Variants in IPCEF1 observed in about 807,000 individuals in gnomAD.
IPCEF1 encodes the protein interaction protein for cytohesin exchange factors 1.
In IPCEF1, 31 loss-of-function variants were observed where a neutral mutation model predicts 50.9. The ratio of observed to expected loss-of-function variants is 0.61; its 90% CI spans 0.46 to 0.82. The LOEUF (loss-of-function observed/expected upper bound fraction) is 0.82. Ranked by LOEUF, IPCEF1 falls within the 40% of genes least tolerant of loss-of-function variation. The pLI, the probability that IPCEF1 is intolerant of heterozygous loss-of-function variation, is 0.00. For missense variants in IPCEF1, 458 were observed against 514.0 expected (o/e 0.89, Z 1.05); for synonymous variants, 181 against 192.0 (o/e 0.94, Z 0.47).
At chr6:154,257,529 G>T (rs1192220202) in intron 3 of IPCEF1, among the ~76,000 whole-genome samples, 4 of 152,178 alleles carry the variant, frequency 2.6e-5, no homozygotes. Context: ...TATGTTGGAA[G>T]ATGAATGGAA....
chr6:154,310,625 C>G (rs1783054608), intron 1 of IPCEF1, among the ~76,000 whole-genome samples: 1 of 151,946 alleles, frequency 6.6e-6, no homozygotes, highest in Non-Finnish European at 1.5e-5. Flanking sequence ...AGTTAAGATA[C>G]AGAATCAAAA....
At chr6:154,235,531 C>CAAAAAA (rs34877577) in intron 5 of IPCEF1, among the ~76,000 whole-genome samples, 1 of 97,502 alleles carries the variant, frequency 1.0e-5, no homozygotes, top group African/African-American at 3.7e-5. Context: ...AACTCTGTCA[C>CAAAAAA]AAAAAAAAAA....
At chr6:154,219,129 G>A (rs1235952548) in intron 7 of IPCEF1, 1 of 152,236 alleles carries the variant, frequency 6.6e-6, no homozygotes, top group African/African-American at 2.4e-5. Context: ...GGGCGGTGAG[G>A]AGGGGGATCT....
intron 10 of IPCEF1, among the ~76,000 whole-genome samples, chr6:154,197,054 CTCT>C (rs1056770114): frequency 6.6e-6 from 1 of 152,090 alleles, no homozygotes; most frequent in African/African-American, 2.4e-5. Flanking sequence ...GGATGAAAGC[CTCT>C]TCTTCCAGCA....
chr6:154,331,401 A>G (rs572285490), intron 1 of IPCEF1, among the ~76,000 whole-genome samples: 3 of 127,896 alleles, frequency 2.3e-5, no homozygotes, highest in South Asian at 5.4e-4. Context: ...GAAAGAAAGA[A>G]AGAAAGAGAG....
At chr6:154,182,062 A>T (rs905758469) in intron 10 of IPCEF1, among the ~76,000 whole-genome samples, 1 of 152,156 alleles carries the variant, frequency 6.6e-6, no homozygotes, top group Non-Finnish European at 1.5e-5. Flanking sequence ...TTAAATTAAA[A>T]TTTTTAAAAA....
chr6:154,315,038 G>A (rs942708323), intron 1 of IPCEF1, among the ~76,000 whole-genome samples: 1 of 151,986 alleles, frequency 6.6e-6, no homozygotes. Flanking sequence ...GTGCTACCAC[G>A]ACCAGCTAAC....
chr6:154,276,697 C>G (rs1025256306), intron 2 of IPCEF1, among the ~76,000 whole-genome samples: 1 of 152,224 alleles, frequency 6.6e-6, no homozygotes, highest in Admixed American at 6.5e-5. Context: ...TCAGAATAAT[C>G]TTTGCCTTTT....
intron 1 of IPCEF1, among the ~76,000 whole-genome samples, chr6:154,340,170 A>G (rs1783879073): frequency 6.6e-6 from 1 of 152,174 alleles, no homozygotes; most frequent in African/African-American, 2.4e-5. Flanking sequence ...CCCGTGACAC[A>G]GCCTTAGGAA....
intron 5 of IPCEF1, among the ~76,000 whole-genome samples, chr6:154,244,645 A>T (rs567703143): frequency 6.6e-6 from 1 of 152,298 alleles, no homozygotes; most frequent in South Asian, 2.1e-4. Flanking sequence ...TGCCTAAAAT[A>T]GGTAACTCAT....
chr6:154,280,856 A>G (rs1210010056), intron 2 of IPCEF1, among the ~76,000 whole-genome samples: 1 of 152,096 alleles, frequency 6.6e-6, no homozygotes, highest in Admixed American at 6.5e-5. Context: ...CATTTTTTTC[A>G]TGTTTTCCAC....
intron 3 of IPCEF1, among the ~76,000 whole-genome samples, chr6:154,255,814 G>A (rs1781446992): frequency 6.6e-6 from 1 of 152,064 alleles, no homozygotes; most frequent in Admixed American, 6.5e-5. Context: ...GCCATCTATT[G>A]AGCTATTGCA....
At chr6:154,343,013 G>C (rs989480420) in intron 1 of IPCEF1, among the ~76,000 whole-genome samples, 11 of 152,160 alleles carry the variant, frequency 7.2e-5, no homozygotes, top group Non-Finnish European at 1.2e-4. Flanking sequence ...CTACTCAGGA[G>C]GCTGAGGCAG....
intron 2 of IPCEF1, among the ~76,000 whole-genome samples, chr6:154,272,142 A>T (rs190409398): frequency 3.9e-5 from 6 of 152,362 alleles, no homozygotes; most frequent in Admixed American, 2.0e-4. Flanking sequence ...TAACCAACTC[A>T]TAAGGTGTTT....
At position 154,304,414 on chromosome 6, in the gene IPCEF1, G is replaced by A. The variant is rs992367138; in HGVS notation, c.-61-14658C>T. Among the ~76,000 whole-genome samples the A allele has an allele frequency of 7.9e-5, 12 of 152,218 alleles. 3 individuals carry two copies. Among genetic ancestry groups the A allele is most frequent in the Admixed American group, 1.3e-4 (2 of 15,280 alleles). On this transcript the variant is annotated intron_variant, in intron 1 of 11. Transcript: ENST00000367220. ...ACTCTCTTTTTCAATTTTGTGTGAT[G>A]CAATTTAATAGACAGATAAACTTAG...
chr6:154,326,966 A>G (rs1783536307), intron 1 of IPCEF1, among the ~76,000 whole-genome samples: 1 of 152,226 alleles, frequency 6.6e-6, no homozygotes, highest in African/African-American at 2.4e-5. Flanking sequence ...CAATGGAGAA[A>G]GAATTCCCTA....
rs754914140 is a variant in IPCEF1 at position 154,246,574 on chromosome 6, G to C, written c.246+17C>G. The C allele has an allele frequency of 1.2e-6, 2 of 1,602,116 alleles. No individual in the cohort carries two copies. The highest frequency in any genetic ancestry group is 1.7e-6 in the Non-Finnish European group (2 of 1,172,578). ...TCATTAAAACGGCTGGGAATAGGAG[G>C]AAGAAAGCAGACTCACCATTTGATT... On this transcript the variant is annotated intron_variant, in intron 5 of 11. Transcript: ENST00000367220.
At chr6:154,179,919 T>G (rs1800686951) in intron 10 of IPCEF1, among the ~76,000 whole-genome samples, 1 of 152,060 alleles carries the variant, frequency 6.6e-6, no homozygotes, top group Non-Finnish European at 1.5e-5. Context: ...TGTGCCGAGA[T>G]TGTAAATTTT....
At chr6:154,258,597 C>A (rs1465030065) in intron 3 of IPCEF1, among the ~76,000 whole-genome samples, 2 of 152,212 alleles carry the variant, frequency 1.3e-5, no homozygotes, top group Admixed American at 6.5e-5. Context: ...CACATTTGCT[C>A]ACGCACCACC....
Sources: gnomAD v4.1 joint callset for allele counts (sites outside exome capture counted in the v4.1 genomes callset) on GRCh38, gnomAD v4.1.1 for gene constraint, MANE v1.5 for transcripts, NCBI Gene and HGNC (gene_info 2026-07-23, HGNC 2026-07-21) for gene names.